NCOR1: variants seen among roughly 807,000 people sequenced by gnomAD.
NCOR1 encodes the protein nuclear receptor corepressor 1.
Under a neutral mutation model 288.1 loss-of-function variants are expected in NCOR1, and 63 were observed. That is an observed-to-expected ratio of 0.22 (90% confidence interval 0.18 to 0.27). The LOEUF is 0.27. Among genes scored for constraint, NCOR1 ranks in the 10% least tolerant of loss-of-function variants. NCOR1 has a pLI of 1.00. For synonymous variants in NCOR1, 1,007 were observed against 1,065.9 expected, an observed-to-expected ratio of 0.94 and a Z score of 1.08; for missense variants, 2,397 against 3,019.2, an observed-to-expected ratio of 0.79 and a Z score of 4.83.
intron 40 of NCOR1, among the ~76,000 whole-genome samples, chr17:16,050,521 C>T (rs762941922): frequency 6.6e-6 from 1 of 152,182 alleles, no homozygotes. Flanking sequence ...CCACACCCGG[C>T]CCTGCTAAAA....
intron 42 of NCOR1, chr17:16,044,395 C>T: frequency 2.1e-6 from 1 of 471,280 alleles, no homozygotes; most frequent in Middle Eastern, 3.3e-4. Context: ...AAACAAACAT[C>T]CACCAGGCAG....
intron 2 of NCOR1, among the ~76,000 whole-genome samples, chr17:16,193,355 C>T (rs1406090269): frequency 1.3e-5 from 2 of 151,942 alleles, no homozygotes; most frequent in Non-Finnish European, 2.9e-5. Flanking sequence ...CTCAGCCTCC[C>T]GAGTGGCTAG....
Position 16,101,514 on chromosome 17 carries a change from G to A in NCOR1, c.2426C>T (p.Ser809Phe), listed in dbSNP as rs1269693244. The change falls in exon 20 of 46, where the codon TCT (serine) becomes TTT (phenylalanine). Residue 809 changes from serine (S) to phenylalanine (F), a missense_variant. Physicochemically the swap from Ser to Phe is radical, Grantham distance 155. Transcript: ENST00000268712. ...GGTAGCGGGTGGGGGATCACAAACAGAACCCTCTTCAGCACTGTGCTCCTG... is the reference window on the plus strand; with the variant it reads ...GGTAGCGGGTGGGGGATCACAAACAAAACCCTCTTCAGCACTGTGCTCCTG... ...DQQEHSAEEG[S>F]VCDPPPATKA... The A allele has an allele frequency of 5.6e-6, 9 of 1,614,216 alleles. No individual in the cohort carries two copies. The highest frequency in any genetic ancestry group is 7.6e-6 in the Non-Finnish European group (9 of 1,180,038).
chr17:16,210,770 C>G (rs1230783751), intron 1 of NCOR1, among the ~76,000 whole-genome samples: 20 of 151,506 alleles, frequency 1.3e-4, no homozygotes, highest in Non-Finnish European at 2.8e-4. Context: ...CACTCAGTCA[C>G]CCAGGCTGGA....
chr17:16,057,262 T>C, intron 40 of NCOR1: 1 of 467,362 alleles, frequency 2.1e-6, no homozygotes, highest in Non-Finnish European at 3.9e-6. Flanking sequence ...CACATTCTTC[T>C]TAACTGTCTT....
At chr17:16,108,998 C>T (rs2069393727) in intron 18 of NCOR1, 86 bp from the exon 19 acceptor site, 2 of 920,128 alleles carry the variant, frequency 2.2e-6, no homozygotes, top group East Asian at 6.3e-5. Context: ...CATTGATAAG[C>T]ACACACACAC....
In NCOR1 at chr17:16,104,210, T is replaced by TACC. The variant is rs772373937; in HGVS notation, c.2183-2454_2183-2453insGGT. Reference sequence around the variant, plus strand: ...ACTTAAGTACTAGCCTGGTACACAGTAGACTCAAATACTGGCTGGATTATA... The same window carrying TACC: ...ACTTAAGTACTAGCCTGGTACACAGTACCAGACTCAAATACTGGCTGGATTATA... On this transcript the variant is annotated intron_variant, in intron 19 of 45. Transcript: ENST00000268712. 2.9e-3 allele frequency among the ~76,000 whole-genome samples: 438 copies of TACC among 152,258 alleles called. 7 individuals are homozygous for TACC. Among genetic ancestry groups the TACC allele is most frequent in the Admixed American group, 0.02 (302 of 15,292 alleles).
intron 15 of NCOR1, among the ~76,000 whole-genome samples, chr17:16,125,141 A>G (rs1207884603): frequency 1.3e-5 from 2 of 152,206 alleles, no homozygotes; most frequent in African/African-American, 4.8e-5. Context: ...AGGCAGCTGG[A>G]CCACCTGAGG....
chr17:16,077,224 C>A (rs945537049), intron 26 of NCOR1, among the ~76,000 whole-genome samples: 1 of 151,812 alleles, frequency 6.6e-6, no homozygotes, highest in Non-Finnish European at 1.5e-5. Flanking sequence ...TGGCGAAACC[C>A]CATCTCTACT....
chr17:16,033,567 A>T (rs1972979157), intron 45 of NCOR1, among the ~76,000 whole-genome samples: 1 of 152,010 alleles, frequency 6.6e-6, no homozygotes, highest in Non-Finnish European at 1.5e-5. Flanking sequence ...CACATTTCAG[A>T]TTTTTTTCAG....
intron 21 of NCOR1, among the ~76,000 whole-genome samples, chr17:16,095,714 C>T (rs1369390235): frequency 4.3e-5 from 5 of 117,556 alleles, no homozygotes; most frequent in African/African-American, 1.0e-4. Flanking sequence ...GGGAGTCAGC[C>T]CCCCGCCCGG....
intron 4 of NCOR1, 22 bp downstream of exon 4, chr17:16,171,781 G>A (rs2083185017): frequency 6.5e-7 from 1 of 1,534,472 alleles, no homozygotes; most frequent in East Asian, 2.3e-5. Flanking sequence ...CAACTCTACA[G>A]GGTAAGAGAA....
intron 9 of NCOR1, among the ~76,000 whole-genome samples, chr17:16,148,663 CAAAAAAAAAAA>C (rs397857284): frequency 0.017 from 812 of 48,354 alleles, 14 homozygotes; most frequent in South Asian, 0.14. Context: ...ATGTTCTTGG[CAAAAAAAAAAA>C]AAAAAAAAAA....
In NCOR1 at chr17:16,029,219, G is replaced by A. The variant is rs1971742184; in HGVS notation, c.*3077C>T. On this transcript the variant is annotated 3_prime_UTR_variant, in exon 46 of 46. Transcript: ENST00000268712. ...ATCATCCACAGTGACTCAGCTCATG[G>A]TCTCGTTGTTGGAAACACTAGGAGT... 2 of 453,664 alleles carry A rather than the reference G, an allele frequency of 4.4e-6. No individual in the cohort carries two copies. 28.1% of individuals were successfully genotyped at this position (453,664 alleles called of 1,614,324 possible). A position where few individuals can be genotyped will look rare whatever the true frequency, so the allele number is the denominator to read the frequency against.
rs1598740949 is a variant in NCOR1, at chr17:16,108,922, GA to G, written c.2056-11del. 1.9e-6 allele frequency: 3 copies of G among 1,543,962 alleles called. No individual in the cohort carries two copies. Among genetic ancestry groups the G allele is most frequent in the Non-Finnish European group, 2.6e-6 (3 of 1,149,320 alleles). On this transcript the variant is annotated splice_polypyrimidine_tract_variant and intron_variant, in intron 18 of 45. Transcript: ENST00000268712. ...GAGGTTTTCGTGAAGTCTAAAGGAGGAAAGAGTATTATTTGATTTAAATAAC... is the reference window on the plus strand; with the variant it reads ...GAGGTTTTCGTGAAGTCTAAAGGAGGAAGAGTATTATTTGATTTAAATAAC...
intron 9 of NCOR1, among the ~76,000 whole-genome samples, chr17:16,149,143 A>C (rs1012704923): frequency 4.2e-4 from 64 of 152,142 alleles, no homozygotes; most frequent in African/African-American, 1.5e-3. Context: ...GAGGCTTAAG[A>C]AACTAAATTA....
intron 18 of NCOR1, 77 bp from the exon 19 acceptor site, chr17:16,108,989 A>C (rs2153058109): frequency 1.7e-6 from 2 of 1,199,174 alleles, no homozygotes; most frequent in Non-Finnish European, 2.3e-6. Flanking sequence ...AATGTAGAAC[A>C]TTGATAAGCA....
intron 14 of NCOR1, among the ~76,000 whole-genome samples, chr17:16,131,019 CCTT>C (rs1235256341): frequency 7.0e-6 from 1 of 143,612 alleles, no homozygotes; most frequent in African/African-American, 2.6e-5. Context: ...GACTGGATCT[CCTT>C]CTGTCGCCCA....
intron 1 of NCOR1, among the ~76,000 whole-genome samples, chr17:16,207,577 T>G (rs962683167): frequency 1.3e-5 from 2 of 151,682 alleles, no homozygotes; most frequent in Non-Finnish European, 2.9e-5. Context: ...CCATCTCTAC[T>G]AAAAATACAA....
Sources: allele counts gnomAD v4.1 joint callset (sites outside exome capture counted in the v4.1 genomes callset), GRCh38; gene constraint gnomAD v4.1.1; transcripts MANE v1.5; gene names NCBI Gene and HGNC (gene_info 2026-07-23, HGNC 2026-07-21).